COA8: variants seen among roughly 807,000 people sequenced by gnomAD.
COA8 encodes the protein UPF0671 protein C14orf153.
COA8 carries 20 observed loss-of-function variants against 22.0 expected under a neutral mutation model. The observed-to-expected ratio is 0.91, with a 90% CI of 0.64 to 1.32. The LOEUF is 1.32. Ranked by LOEUF, COA8 falls within the 40% of genes most tolerant of loss-of-function variation. COA8 has a pLI of 0.00. For synonymous variants in COA8, 105 were observed against 79.9 expected, an observed-to-expected ratio of 1.31 and a Z score of -1.68; for missense variants, 266 against 230.0, an observed-to-expected ratio of 1.16 and a Z score of -1.01.
intron 3 of COA8, among the ~76,000 whole-genome samples, chr14:103,575,123 C>T (rs1052526802): frequency 2.0e-5 from 3 of 152,244 alleles, no homozygotes; most frequent in African/African-American, 4.8e-5. Flanking sequence ...GCCGTGTATG[C>T]GTGCGTGTGT....
Position 103,563,135 on chromosome 14 carries a change from G to A in COA8, c.123+11G>A, listed in dbSNP as rs1352522230. Reference sequence around the variant, plus strand: ...ACGGCGCCCAGCGGGGTAAGCAGGGGCCTGGGGACATTGGGCCGGGAGGGG... The same window carrying A: ...ACGGCGCCCAGCGGGGTAAGCAGGGACCTGGGGACATTGGGCCGGGAGGGG... On this transcript the variant is annotated intron_variant, in intron 1 of 4. Transcript: ENST00000409074. The A allele has an allele frequency of 1.6e-5, 25 of 1,541,262 alleles. No individual in the cohort carries two copies. Among genetic ancestry groups the A allele is most frequent in the East Asian group, 2.4e-5 (1 of 41,476 alleles).
intron 3 of COA8, among the ~76,000 whole-genome samples, chr14:103,586,005 A>G (rs184416943): frequency 9.9e-5 from 15 of 151,348 alleles, no homozygotes; most frequent in African/African-American, 3.2e-4. Context: ...AGTTCAAGCA[A>G]TTCTCCTACC....
chr14:103,581,442 G>A lies in COA8; in HGVS notation c.386-5832G>A. On this transcript the variant is annotated intron_variant, in intron 3 of 4. Transcript: ENST00000409074. This position sits in a 1 kb window ranked among gnomAD's most constrained non-coding sequence, Gnocchi z 4.1. The stretch of plus-strand genomic sequence containing the variant: ...CTACACTGTGGAGGTGCTGGACAGA[G>A]GGAGGAGTCGCCTCCTGGGCTGGTC... 2.5e-6 allele frequency: 1 copy of A among 392,180 alleles called. No individual in the cohort carries two copies. Among genetic ancestry groups the A allele is most frequent in the Non-Finnish European group, 4.5e-6 (1 of 222,504 alleles). The allele number at this position is 392,180 out of a possible 1,614,324, so 24.3% of individuals were successfully genotyped here.
intron 2 of COA8, among the ~76,000 whole-genome samples, chr14:103,573,613 C>T (rs1187393012): frequency 3.3e-5 from 5 of 151,994 alleles, no homozygotes; most frequent in Non-Finnish European, 7.4e-5. Context: ...AGTGCAGTGG[C>T]GTGATCTCGG....
intron 1 of COA8, among the ~76,000 whole-genome samples, chr14:103,570,594 G>A (rs1052948273): frequency 6.6e-5 from 10 of 152,140 alleles, no homozygotes; most frequent in African/African-American, 1.2e-4. Context: ...TTAGCCGGGC[G>A]TGGTGGCATA....
chr14:103,586,108 C>T (rs1221877947), intron 3 of COA8, among the ~76,000 whole-genome samples: 1 of 151,182 alleles, frequency 6.6e-6, no homozygotes, highest in Non-Finnish European at 1.5e-5. Context: ...AGCACGTTGG[C>T]CAGGCTGGTC....
rs372738509 is a variant in COA8 at position 103,581,437 on chromosome 14, ACAGAGGGAGGAGTCGC to A, written c.386-5835_386-5820del. ...CGCGTCTACACTGTGGAGGTGCTGGACAGAGGGAGGAGTCGCCTCCTGGGCTGGTCGGAGTAGGACC... is the reference window on the plus strand; with the variant it reads ...CGCGTCTACACTGTGGAGGTGCTGGACTCCTGGGCTGGTCGGAGTAGGACC... On this transcript the variant is annotated intron_variant, in intron 3 of 4. Transcript: ENST00000409074. The surrounding 1 kb of genome is among the most constrained non-coding windows in gnomAD (Gnocchi z 4.1). 1.0e-5 allele frequency: 4 copies of A among 391,920 alleles called. No homozygotes were observed. Among genetic ancestry groups the A allele is most frequent in the African/African-American group, 8.3e-5 (4 of 48,474 alleles). 24.3% of individuals were successfully genotyped at this position (391,920 alleles called of 1,614,324 possible). A position where few individuals can be genotyped will look rare whatever the true frequency, so the allele number is the denominator to read the frequency against.
chr14:103,585,665 T>C, intron 3 of COA8, among the ~76,000 whole-genome samples: 1 of 133,346 alleles, frequency 7.5e-6, no homozygotes, highest in African/African-American at 2.8e-5. Flanking sequence ...AACCTCCACC[T>C]CCCGGGTTCA....
chr14:103,587,274 G>T lies in COA8; in HGVS notation c.386G>T (p.Gly129Val). Residue 129 changes from glycine (G) to valine (V), a missense_variant and splice_region_variant, in exon 4 of 5, where the codon GGT (glycine) becomes GTT (valine). Physicochemically the swap from Gly to Val is moderately radical, Grantham distance 109. Transcript: ENST00000409074. ...TGTTTAAGCTGAAATTACCTTTCAG[G>T]TCAGAAAGCAACATTGAATGCAGAA... ...TKGLGLRTES[G>V]QKATLNAEEM... 1 of 1,610,960 alleles carries T rather than the reference G, an allele frequency of 6.2e-7. No homozygotes were observed. Among genetic ancestry groups the T allele is most frequent in the Non-Finnish European group, 8.5e-7 (1 of 1,178,838 alleles).
At chr14:103,574,060 G>GA in intron 2 of COA8, 47 bp from the exon 3 acceptor site, 1 of 1,370,978 alleles carries the variant, frequency 7.3e-7, no homozygotes. Context: ...GAAAGACAGA[G>GA]AAAGGAGTTC....
intron 3 of COA8, 85 bp from the exon 4 acceptor site, chr14:103,587,189 T>G: frequency 9.7e-7 from 1 of 1,030,616 alleles, no homozygotes; most frequent in Non-Finnish European, 1.5e-6. Flanking sequence ...CCTGCAAGCT[T>G]GCTGAACTCA....
At chr14:103,580,326 C>T (rs752908404) in intron 3 of COA8, among the ~76,000 whole-genome samples, 4 of 150,938 alleles carry the variant, frequency 2.7e-5, no homozygotes, top group Non-Finnish European at 5.9e-5. Flanking sequence ...ATTTATTTTT[C>T]GAGATGGAGT....
chr14:103,565,850 G>C (rs1006250708), intron 1 of COA8, among the ~76,000 whole-genome samples: 1 of 151,366 alleles, frequency 6.6e-6, no homozygotes. Context: ...CCTGACCTCA[G>C]GTGATCTGCT....
At chr14:103,569,401 T>G (rs1441498892) in intron 1 of COA8, among the ~76,000 whole-genome samples, 1 of 152,176 alleles carries the variant, frequency 6.6e-6, no homozygotes, top group East Asian at 1.9e-4. Flanking sequence ...CGTAAAGCAG[T>G]TTATGTGAGT....
chr14:103,584,438 G>T (rs1289373040), intron 3 of COA8, among the ~76,000 whole-genome samples: 1 of 152,054 alleles, frequency 6.6e-6, no homozygotes, highest in Non-Finnish European at 1.5e-5. Context: ...TGCCCCATTC[G>T]AACAGGAGCA....
chr14:103,582,698 C>T lies in COA8; in HGVS notation c.386-4576C>T, dbSNP rs369669898. On this transcript the variant is annotated intron_variant, in intron 3 of 4. Coordinates refer to ENST00000409074, the MANE Select transcript of COA8 (RefSeq NM_001370595.2). ...GTGAAGAAAATGAATTATGCTGTGA[C>T]CTTTAGATACGATTCACATACCATA... is the stretch of plus-strand genomic sequence containing the variant. Among the ~76,000 whole-genome samples the T allele has an allele frequency of 1.9e-4, 29 of 149,626 alleles. No individual in the cohort carries two copies. In the South Asian group the frequency reaches 5.9e-3, roughly 30 times the overall value.
intron 1 of COA8, among the ~76,000 whole-genome samples, chr14:103,564,621 C>T (rs1482999783): frequency 2.1e-5 from 3 of 141,044 alleles, no homozygotes; most frequent in African/African-American, 7.9e-5. Context: ...CCTCTGTCGC[C>T]CAGGTGGGAG....
intron 2 of COA8, among the ~76,000 whole-genome samples, chr14:103,572,787 A>ATTT (rs35072215): frequency 6.8e-6 from 1 of 146,514 alleles, no homozygotes; most frequent in East Asian, 2.0e-4. Context: ...AAAAAAAAAA[A>ATTT]TTTTTTTCTT....
At chr14:103,578,317 G>A (rs748570566) in intron 3 of COA8, among the ~76,000 whole-genome samples, 11 of 152,228 alleles carry the variant, frequency 7.2e-5, no homozygotes, top group African/African-American at 1.4e-4. Context: ...GGATAAGGCT[G>A]TGGTGGCCTA....
Sources: allele counts gnomAD v4.1 joint callset (sites outside exome capture counted in the v4.1 genomes callset), GRCh38; gene constraint gnomAD v4.1.1; non-coding constraint Gnocchi (gnomAD v3.1); transcripts MANE v1.5; gene names NCBI Gene and HGNC (gene_info 2026-07-23, HGNC 2026-07-21).